The following CEP350 variants were observed in gnomAD, a reference collection of about 807,000 sequenced individuals.
CEP350 encodes centrosomal protein 350.
In CEP350, 126 loss-of-function variants were observed where a neutral mutation model predicts 331.8. That is an observed-to-expected ratio of 0.38 (90% CI 0.33 to 0.44). CEP350 has a LOEUF of 0.44. Ranked by LOEUF, CEP350 falls within the 20% of genes least tolerant of loss-of-function variation. The pLI, the probability that CEP350 is intolerant of heterozygous loss-of-function variation, is 1.00. For synonymous variants in CEP350, 1,200 were observed against 1,259.5 expected, an observed-to-expected ratio of 0.95 and a Z score of 1.00; for missense variants, 3,406 against 3,634.6, an observed-to-expected ratio of 0.94 and a Z score of 1.62.
At chr1:179,976,780 A>C (rs932432375) in intron 1 of CEP350, among the ~76,000 whole-genome samples, 1 of 152,190 alleles carries the variant, frequency 6.6e-6, no homozygotes, top group African/African-American at 2.4e-5. Context: ...TTTGAAATGA[A>C]TGATACTATT....
At chr1:179,968,085 C>A (rs1651151146) in intron 1 of CEP350, among the ~76,000 whole-genome samples, 1 of 152,172 alleles carries the variant, frequency 6.6e-6, no homozygotes, top group African/African-American at 2.4e-5. Flanking sequence ...AGTCCCAGCA[C>A]TCTGGGAGGC....
intron 1 of CEP350, among the ~76,000 whole-genome samples, chr1:179,980,413 T>C (rs1652187598): frequency 6.6e-6 from 1 of 152,076 alleles, no homozygotes; most frequent in Admixed American, 6.6e-5. Flanking sequence ...ATTTACTGAA[T>C]TCATTTATTA....
intron 1 of CEP350, among the ~76,000 whole-genome samples, chr1:179,975,447 G>A (rs1651787276): frequency 6.6e-6 from 1 of 152,004 alleles, no homozygotes; most frequent in Admixed American, 6.6e-5. Context: ...GGATAATTTA[G>A]GAAGCTTTTA....
chr1:179,968,847 C>T, intron 1 of CEP350: 2 of 725,674 alleles, frequency 2.8e-6, no homozygotes, highest in Non-Finnish European at 5.1e-6. Flanking sequence ...CCATTGTTAC[C>T]TTTGAAAACC....
At position 180,062,354 on chromosome 1, in the gene CEP350, G is replaced by T; in HGVS notation, c.5397G>T (p.Gly1799=). ...TACAGGAGAAATTGAAGTCTGCAGG[G>T]GAGAGTAAATTGGTAAACTACATGA... The part of the protein sequence containing the change: ...IKLQEKLKSA[G]ESKLDSHSDD... Residue 1799 remains glycine, a synonymous_variant, in exon 26 of 38, where the codon GGG becomes GGT. Coordinates refer to ENST00000367607, the MANE Select transcript of CEP350 (RefSeq NM_014810.5). The T allele has an allele frequency of 6.3e-7, 1 of 1,599,226 alleles. No individual in the cohort carries two copies. Among genetic ancestry groups the T allele is most frequent in the Non-Finnish European group, 8.5e-7 (1 of 1,173,046 alleles).
At chr1:179,995,134 A>G (rs1008764000) in intron 5 of CEP350, among the ~76,000 whole-genome samples, 3 of 152,218 alleles carry the variant, frequency 2.0e-5, no homozygotes, top group Admixed American at 2.0e-4. Flanking sequence ...GCCACATATC[A>G]TGTGCTCAAT....
At chr1:179,989,280 T>TA (rs1652876224) in intron 3 of CEP350, among the ~76,000 whole-genome samples, 1 of 151,730 alleles carries the variant, frequency 6.6e-6, no homozygotes, top group African/African-American at 2.4e-5. Flanking sequence ...GGGAGCTTAT[T>TA]AAAATTCAGA....
At chr1:180,022,576 G>A (rs745822708) in intron 12 of CEP350, 122 bp from the exon 13 acceptor site, 223 of 692,948 alleles carry the variant, frequency 3.2e-4, no homozygotes, top group Non-Finnish European at 4.8e-4. Flanking sequence ...TAGAAAAGAG[G>A]CACTATTAAA....
chr1:179,982,178 C>T (rs975999067), intron 1 of CEP350, among the ~76,000 whole-genome samples: 3 of 152,168 alleles, frequency 2.0e-5, no homozygotes, highest in African/African-American at 4.8e-5. Flanking sequence ...ATTAGCAGTA[C>T]CTCAGAAGCA....
At position 180,053,814 on chromosome 1, in the gene CEP350, G is replaced by A. The variant is rs749434024; in HGVS notation, c.5054G>A (p.Arg1685Gln). 27 of 1,609,550 alleles carry A rather than the reference G, an allele frequency of 1.7e-5. No individual in the cohort carries two copies. Among genetic ancestry groups the A allele is most frequent in the Middle Eastern group, 1.6e-4 (1 of 6,070 alleles). The change falls in exon 24 of 38, where the codon CGA becomes CAA. Residue 1685 changes from arginine to glutamine, a missense_variant. Around this residue, in one of 5 missense-constraint regions of CEP350, gnomAD observed 104 missense variants for 143.3 expected, o/e 0.73. Coordinates refer to ENST00000367607, the MANE Select transcript of CEP350 (RefSeq NM_014810.5). ...TCTAAATTTACTATGGAGATGGTTC[G>A]ACAGTATATGAAAGAGGAAGAAATG... ...SFSKFTMEMV[R>Q]QYMKEEEMRA...
chr1:180,080,375 G>T, intron 29 of CEP350, 142 bp from the exon 30 acceptor site: 3 of 699,700 alleles, frequency 4.3e-6, no homozygotes, highest in Admixed American at 3.2e-5. Flanking sequence ...TGAATAATTT[G>T]TAAACTTTTT....
intron 14 of CEP350, among the ~76,000 whole-genome samples, chr1:180,030,213 G>A (rs913139451): frequency 1.4e-5 from 2 of 142,884 alleles, no homozygotes; most frequent in African/African-American, 5.1e-5. Context: ...TAAATTTTTT[G>A]TATATATATA....
At chr1:179,972,161 G>A (rs750274174) in intron 1 of CEP350, among the ~76,000 whole-genome samples, 39 of 152,294 alleles carry the variant, frequency 2.6e-4, no homozygotes, top group Middle Eastern at 3.4e-3. Flanking sequence ...TAAGCAGTTT[G>A]ATATGTGGGT....
At chr1:180,083,133 GATGTT>G (rs1335370504) in intron 30 of CEP350, among the ~76,000 whole-genome samples, 1 of 152,152 alleles carries the variant, frequency 6.6e-6, no homozygotes, top group Non-Finnish European at 1.5e-5. Context: ...TTTTTGATGT[GATGTT>G]AAGTCTTAAG....
chr1:180,024,317 A>G (rs1655524916), intron 13 of CEP350, 102 bp from the exon 14 acceptor site: 1 of 998,978 alleles, frequency 1.0e-6, no homozygotes, highest in Non-Finnish European at 1.4e-6. Flanking sequence ...CTTTGATTGT[A>G]GTTATAGTCT....
chr1:179,963,869 G>A (rs1571777505), intron 1 of CEP350, among the ~76,000 whole-genome samples: 1 of 152,152 alleles, frequency 6.6e-6, no homozygotes, highest in East Asian at 1.9e-4. Flanking sequence ...GAAAAATGAT[G>A]TTGCTAATTT....
In CEP350 at chr1:180,092,817, A is replaced by G. The variant is rs1489913668; in HGVS notation, c.6712A>G (p.Thr2238Ala). 2.5e-6 allele frequency: 4 copies of G among 1,570,180 alleles called. No homozygotes were observed. Among genetic ancestry groups the G allele is most frequent in the Middle Eastern group, 1.7e-4 (1 of 6,024 alleles). ...ALHLLKELNA[T>A]SRILDMSDGK... is the part of the protein sequence containing the mutation. ...ACATCTTCTCAAAGAATTAAATGCC[A>G]CTAGTAGAATTCTTGATATGTCAGA... The change falls in exon 34 of 38, where the codon ACT becomes GCT. Residue 2238 changes from threonine to alanine, a missense_variant. By Grantham distance (58) the Thr-to-Ala change is moderately conservative (BLOSUM62 0). Coordinates refer to ENST00000367607, the MANE Select transcript of CEP350 (RefSeq NM_014810.5).
At chr1:180,072,036 T>C (rs1658925505) in intron 27 of CEP350, among the ~76,000 whole-genome samples, 1 of 152,176 alleles carries the variant, frequency 6.6e-6, no homozygotes, top group African/African-American at 2.4e-5. Context: ...TTAATTCTAT[T>C]GTGAAGTAAT....
chr1:180,040,407 T>C (rs534232111), intron 17 of CEP350, among the ~76,000 whole-genome samples: 32 of 152,168 alleles, frequency 2.1e-4, no homozygotes, highest in African/African-American at 7.7e-4. Context: ...ACCACAGCCT[T>C]ACATACAGCC....
Sources: allele counts gnomAD v4.1 joint callset (sites outside exome capture counted in the v4.1 genomes callset), GRCh38; gene constraint gnomAD v4.1.1; regional missense constraint gnomAD v4.1.1; transcripts MANE v1.5; gene names NCBI Gene and HGNC (gene_info 2026-07-23, HGNC 2026-07-21).